The following KAZN variants were observed in gnomAD, a reference collection of about 807,000 sequenced individuals.
The protein encoded by KAZN is kazrin, periplakin interacting protein, also known as kazrin.
A neutral mutation model predicts 87.4 loss-of-function variants in KAZN; 40 were observed. The observed-to-expected ratio is 0.46, with a 90% confidence interval of 0.36 to 0.60. The LOEUF (loss-of-function observed/expected upper bound fraction) is 0.60. Among genes scored for constraint, KAZN ranks in the 20% least tolerant of loss-of-function variants. The pLI is 0.00. For synonymous variants in KAZN, 466 were observed against 458.3 expected, an observed-to-expected ratio of 1.02 and a Z score of -0.22; for missense variants, 898 against 1,073.9, an observed-to-expected ratio of 0.84 and a Z score of 2.29.
intron 2 of KAZN, among the ~76,000 whole-genome samples, chr1:14,432,347 T>A (rs1316579992): frequency 3.3e-5 from 5 of 152,172 alleles, no homozygotes; most frequent in African/African-American, 1.2e-4. Flanking sequence ...AGCTCTAGAA[T>A]ATAACTCAAC....
At chr1:14,555,227 T>G (rs1156866633) in intron 2 of KAZN, among the ~76,000 whole-genome samples, 1 of 152,236 alleles carries the variant, frequency 6.6e-6, no homozygotes, top group Non-Finnish European at 1.5e-5. Context: ...AAAGGAAATT[T>G]GTAGTTGCTT....
intron 2 of KAZN, among the ~76,000 whole-genome samples, chr1:14,961,591 A>C (rs1663874381): frequency 6.6e-6 from 1 of 152,176 alleles, no homozygotes; most frequent in Admixed American, 6.5e-5. Context: ...GTAACCTGTC[A>C]GTGGACTCCA....
chr1:14,237,699 A>T (rs1648553078), intron 2 of KAZN, among the ~76,000 whole-genome samples: 1 of 152,168 alleles, frequency 6.6e-6, no homozygotes, highest in South Asian at 2.1e-4. Context: ...GGACCTACTG[A>T]GTGCAAGGCC....
intron 2 of KAZN, among the ~76,000 whole-genome samples, chr1:14,214,256 C>T (rs567428567): frequency 2.3e-5 from 3 of 127,912 alleles, no homozygotes; most frequent in East Asian, 2.3e-4. Flanking sequence ...GAGTGTACAT[C>T]GTTATCTGAC....
At chr1:14,114,513 C>T (rs942434917) in intron 1 of KAZN, among the ~76,000 whole-genome samples, 3 of 152,084 alleles carry the variant, frequency 2.0e-5, no homozygotes, top group African/African-American at 7.2e-5. Flanking sequence ...CCCACCCCAC[C>T]GTCGATGCCC....
intron 1 of KAZN, among the ~76,000 whole-genome samples, chr1:14,941,403 G>A (rs1490904487): frequency 2.0e-5 from 3 of 152,120 alleles, no homozygotes; most frequent in Admixed American, 6.5e-5. Context: ...GCACTCAGCC[G>A]AGAGATTACA....
intron 2 of KAZN, among the ~76,000 whole-genome samples, chr1:14,970,994 T>G (rs1664966918): frequency 6.6e-6 from 1 of 152,212 alleles, no homozygotes; most frequent in African/African-American, 2.4e-5. Flanking sequence ...TGCCAGGCAC[T>G]CTCTTCATTC....
chr1:15,055,235 G>A (rs1180343921), intron 4 of KAZN, among the ~76,000 whole-genome samples: 2 of 152,208 alleles, frequency 1.3e-5, no homozygotes, highest in Non-Finnish European at 2.9e-5. Flanking sequence ...CCAGCACTTT[G>A]GGAGGCCGAG....
intron 1 of KAZN, among the ~76,000 whole-genome samples, chr1:13,908,967 G>T (rs1249474896): frequency 6.6e-6 from 1 of 152,298 alleles, no homozygotes; most frequent in East Asian, 1.9e-4. Flanking sequence ...TTTTGTTTTC[G>T]CAAAGCAGCA....
chr1:14,593,990 G>A (rs552357753), upstream of KAZN, among the ~76,000 whole-genome samples: 41 of 152,304 alleles, frequency 2.7e-4, no homozygotes, highest in African/African-American at 9.1e-4. Context: ...ACAAAGCTGC[G>A]TGGTTCATTC....
chr1:14,706,800 C>T (rs1439298707), intron 1 of KAZN, among the ~76,000 whole-genome samples: 1 of 152,144 alleles, frequency 6.6e-6, no homozygotes, highest in African/African-American at 2.4e-5. Context: ...CCATCTGTTT[C>T]CTGCTGCCTG....
intron 2 of KAZN, among the ~76,000 whole-genome samples, chr1:14,250,945 T>C (rs1156437877): frequency 6.6e-6 from 1 of 151,200 alleles, no homozygotes; most frequent in East Asian, 1.9e-4. Flanking sequence ...AAACTATAAG[T>C]CTAGGAAATA....
intron 1 of KAZN, among the ~76,000 whole-genome samples, chr1:13,987,415 T>C (rs1639073128): frequency 1.3e-5 from 2 of 152,224 alleles, no homozygotes; most frequent in Non-Finnish European, 2.9e-5. Context: ...AGTGACAACA[T>C]GTGGTGTTTG....
rs577326447 is a variant in KAZN, at chr1:13,968,479, A to G, written c.91+74723A>G. Among the ~76,000 whole-genome samples the G allele has an allele frequency of 2.0e-5, 3 of 152,234 alleles. No homozygotes were observed. The South Asian group carries it at 6.2e-4, about 32-fold the overall frequency. ...CTGCTAAAAATCTGACTTTGACTCA[A>G]TCTGCTGTTGCCCTCTTACTCCTTC... On this transcript the variant is annotated intron_variant, in intron 1 of 16. Transcript: ENST00000636203.
chr1:14,764,503 C>G (rs1278319555), intron 1 of KAZN, among the ~76,000 whole-genome samples: 6 of 151,844 alleles, frequency 4.0e-5, no homozygotes, highest in African/African-American at 9.7e-5. Context: ...CCCTCTGCCC[C>G]CCCATAGAAC....
chr1:14,618,537 A>G (rs1279129613), intron 1 of KAZN, among the ~76,000 whole-genome samples: 1 of 152,268 alleles, frequency 6.6e-6, no homozygotes, highest in African/African-American at 2.4e-5. Context: ...TAGAAGGGAC[A>G]AGGCATCCTT....
At chr1:14,999,426 C>G (rs76764035) in intron 2 of KAZN, among the ~76,000 whole-genome samples, 3,413 of 152,280 alleles carry the variant, frequency 0.022, 67 homozygotes, top group South Asian at 0.045. Flanking sequence ...AAGGTGCTCA[C>G]AATGCTCCTT....
intron 2 of KAZN, among the ~76,000 whole-genome samples, chr1:14,358,848 G>A (rs778801085): frequency 1.3e-5 from 2 of 152,116 alleles, no homozygotes; most frequent in African/African-American, 4.8e-5. Context: ...TTCCAATTAT[G>A]TGGTCAATTT....
At chr1:14,444,177 A>G (rs576767173) in intron 2 of KAZN, among the ~76,000 whole-genome samples, 60 of 152,282 alleles carry the variant, frequency 3.9e-4, no homozygotes, top group Non-Finnish European at 6.9e-4. Flanking sequence ...GCAAACCTTC[A>G]TGAGATGTAC....
Sources: gnomAD v4.1 joint callset for allele counts (sites outside exome capture counted in the v4.1 genomes callset) on GRCh38, gnomAD v4.1.1 for gene constraint, MANE v1.5 for transcripts, NCBI Gene and HGNC (gene_info 2026-07-23, HGNC 2026-07-21) for gene names.